Variants in SLC38A10 observed in about 807,000 individuals in gnomAD.
SLC38A10 encodes the protein Sodium-coupled neutral amino acid transporter 10.
In SLC38A10, 53 loss-of-function variants were observed where a neutral mutation model predicts 81.0. That is an observed-to-expected ratio of 0.65 (90% CI 0.53 to 0.82). The LOEUF (loss-of-function observed/expected upper bound fraction) is 0.82. Among genes scored for constraint, SLC38A10 ranks in the 40% least tolerant of loss-of-function variants. SLC38A10 has a pLI of 0.00. For missense variants in SLC38A10, 1,471 were observed against 1,545.0 expected (o/e 0.95, Z 0.80); for synonymous variants, 665 against 655.3 (o/e 1.01, Z -0.23).
At chr17:81,257,920 G>A (rs2062987595) in intron 11 of SLC38A10, among the ~76,000 whole-genome samples, 2 of 152,262 alleles carry the variant, frequency 1.3e-5, no homozygotes, top group Admixed American at 1.3e-4. Context: ...CTCCAAGAAA[G>A]GAACAGATGT....
intron 6 of SLC38A10, among the ~76,000 whole-genome samples, chr17:81,278,702 A>C (rs1409288779): frequency 3.3e-5 from 5 of 152,156 alleles, no homozygotes; most frequent in Non-Finnish European, 7.4e-5. Flanking sequence ...CCAGTGCTAA[A>C]CTGTCCTCTC....
rs1235407978 is a variant in SLC38A10 at position 81,247,053 on chromosome 17, T to C, written c.2074A>G (p.Arg692Gly). 1.3e-6 allele frequency: 2 copies of C among 1,583,516 alleles called. No individual in the cohort carries two copies. The highest frequency in any genetic ancestry group is 8.6e-7 in the Non-Finnish European group (1 of 1,166,870). ...QAASQLEEAG[R>G]AEMLDHAVLL... Reference sequence around the variant, plus strand: ...ACGGCGTGGTCCAGCATCTCCGCCCTGCCAGCTTCTGGGTTTGGAAAGCAC... The same window carrying C: ...ACGGCGTGGTCCAGCATCTCCGCCCCGCCAGCTTCTGGGTTTGGAAAGCAC... Residue 692 changes from arginine to glycine, a missense_variant, in exon 15 of 16, where the codon AGG becomes GGG. Physicochemically the swap from Arg to Gly is moderately radical, Grantham distance 125 (BLOSUM62 -2). Around this residue, in one of 2 missense-constraint regions of SLC38A10, gnomAD observed 751 missense variants for 717.4 expected, o/e 1.05. Coordinates refer to ENST00000374759, the MANE Select transcript of SLC38A10 (RefSeq NM_001037984.3).
chr17:81,271,884 G>A (rs954781259), intron 9 of SLC38A10, among the ~76,000 whole-genome samples: 2 of 149,776 alleles, frequency 1.3e-5, no homozygotes, highest in Admixed American at 6.7e-5. Context: ...CCGCCACCAC[G>A]CCCGGCTAAT....
intron 14 of SLC38A10, chr17:81,249,957 C>T (rs780222568): frequency 1.5e-5 from 15 of 974,414 alleles, no homozygotes; most frequent in Admixed American, 3.2e-5. Flanking sequence ...GGGCCTGACA[C>T]GTGTCCCCAT....
At chr17:81,266,618 C>CA (rs57854082) in intron 10 of SLC38A10, among the ~76,000 whole-genome samples, 1,601 of 81,794 alleles carry the variant, frequency 0.02, 21 homozygotes, top group East Asian at 0.058. Context: ...GACTCCATCT[C>CA]AAAAAAAAAA....
chr17:81,245,896 G>A lies in SLC38A10; in HGVS notation c.3020C>T (p.Ala1007Val). The change falls in exon 16 of 16, where the codon GCT (alanine) becomes GTT (valine). Residue 1007 changes from alanine to valine, a missense_variant. Coordinates refer to ENST00000374759, the MANE Select transcript of SLC38A10 (RefSeq NM_001037984.3). ...SHEQPRGGED[A>V]AVQEPRQRPE... Reference sequence around the variant, plus strand: ...CCTCTGCCTGGGCTCCTGGACAGCAGCGTCCTCCCCGCCTCTCGGCTGCTC... The same window carrying A: ...CCTCTGCCTGGGCTCCTGGACAGCAACGTCCTCCCCGCCTCTCGGCTGCTC... The A allele has an allele frequency of 6.8e-6, 11 of 1,612,106 alleles. No homozygotes were observed. The highest frequency in any genetic ancestry group is 8.5e-6 in the Non-Finnish European group (10 of 1,179,522).
chr17:81,275,534 C>A (rs1270932454), intron 8 of SLC38A10, among the ~76,000 whole-genome samples: 1 of 151,410 alleles, frequency 6.6e-6, no homozygotes, highest in East Asian at 1.9e-4. Flanking sequence ...GAGATCGAGA[C>A]CATCCTGGCT....
chr17:81,261,920 G>A (rs910352684), intron 10 of SLC38A10, among the ~76,000 whole-genome samples: 6 of 152,196 alleles, frequency 3.9e-5, no homozygotes, highest in Admixed American at 6.5e-5. Context: ...CAGGCTCGAC[G>A]GCCCACAGAG....
At chr17:81,252,988 A>G (rs2062933633) in intron 12 of SLC38A10, 85 bp downstream of exon 12, 2 of 1,514,304 alleles carry the variant, frequency 1.3e-6, no homozygotes, top group Non-Finnish European at 1.8e-6. Context: ...CACAGCCCTG[A>G]GAGCCACCCC....
Position 81,246,560 on chromosome 17 carries a change from TGA to T in SLC38A10, c.2354_2355del (p.Leu785GlnfsTer14). The T allele has an allele frequency of 7.3e-6, 11 of 1,516,370 alleles. No homozygotes were observed. The highest frequency in any genetic ancestry group is 9.7e-6 in the Non-Finnish European group (11 of 1,134,302). The allele number at this position is 1,516,370 out of a possible 1,614,324, so 93.9% of individuals were successfully genotyped here. On this transcript the variant is annotated frameshift_variant, in exon 16 of 16. Coordinates refer to ENST00000374759, the MANE Select transcript of SLC38A10 (RefSeq NM_001037984.3). LOFTEE classifies it low-confidence loss of function (END_TRUNC). ...NLPPLPLDPV[L>X]RAPGGRPAPS... ...GGAGCAGGGCGGCCCCCAGGAGCTC[TGA>T]GGACAGGGTCCAAAGGCAGGGGAGG...
At position 81,288,338 on chromosome 17, in the gene SLC38A10, C is replaced by T. The variant is rs1161265559; in HGVS notation, c.217+1353G>A. Among the ~76,000 whole-genome samples, 4 of 152,224 alleles carry T rather than the reference C, an allele frequency of 2.6e-5. No individual in the cohort carries two copies. Among genetic ancestry groups the T allele is most frequent in the Non-Finnish European group, 5.9e-5 (4 of 68,044 alleles). On this transcript the variant is annotated intron_variant, in intron 2 of 15. Coordinates refer to ENST00000374759, the MANE Select transcript of SLC38A10 (RefSeq NM_001037984.3). This position sits in a 1 kb window ranked among gnomAD's most constrained non-coding sequence, Gnocchi z 5.4. ...CTGTGAGCCCGGGGGGCAGGATGGC[C>T]TTCTGCAGGGAGGACCTAACATCCC...
chr17:81,258,588 G>C (rs942855836), intron 11 of SLC38A10, among the ~76,000 whole-genome samples: 7 of 151,830 alleles, frequency 4.6e-5, no homozygotes, highest in Non-Finnish European at 1.0e-4. Flanking sequence ...TGCTGGACGA[G>C]GGCGACACCC....
At chr17:81,266,463 C>CAA (rs2063070990) in intron 10 of SLC38A10, among the ~76,000 whole-genome samples, 1 of 151,816 alleles carries the variant, frequency 6.6e-6, no homozygotes, top group African/African-American at 2.4e-5. Context: ...ACTAAAAATA[C>CAA]AAAAAATTAG....
rs1371051995 is a variant in SLC38A10 at position 81,289,207 on chromosome 17, A to AT, written c.217+483dup. Among the ~76,000 whole-genome samples the AT allele has an allele frequency of 3.3e-5, 5 of 151,720 alleles. No homozygotes were observed. Among genetic ancestry groups the AT allele is most frequent in the Admixed American group, 6.6e-5 (1 of 15,236 alleles). ...AGATGCCTGCCACCATGTCTGGCTA[A>AT]TTTTTTGTATTTCTGGTAGAGATGG... On this transcript the variant is annotated intron_variant, in intron 2 of 15. Coordinates refer to ENST00000374759, the MANE Select transcript of SLC38A10 (RefSeq NM_001037984.3). The surrounding 1 kb of genome is among the most constrained non-coding windows in gnomAD (Gnocchi z 5.9).
rs1226124839 is a variant in SLC38A10 at position 81,277,570 on chromosome 17, T to C, written c.627-437A>G. Among the ~76,000 whole-genome samples, 4 of 152,184 alleles carry C rather than the reference T, an allele frequency of 2.6e-5. No individual in the cohort carries two copies. The highest frequency in any genetic ancestry group is 5.9e-5 in the Non-Finnish European group (4 of 68,028). On this transcript the variant is annotated intron_variant, in intron 6 of 15. Coordinates refer to ENST00000374759, the MANE Select transcript of SLC38A10 (RefSeq NM_001037984.3). The surrounding 1 kb of genome is among the most constrained non-coding windows in gnomAD (Gnocchi z 4.5). ...CCATCTCGGCGCCTCCGCACAGGCA[T>C]GATCAGAGTCGGCACAGACAAGGAG...
At chr17:81,247,840 C>CTTTT (rs1015174721) in intron 14 of SLC38A10, among the ~76,000 whole-genome samples, 17 of 144,806 alleles carry the variant, frequency 1.2e-4, no homozygotes, top group Non-Finnish European at 1.7e-4. Context: ...GACCCTGTCT[C>CTTTT]AAAAAAGAAA....
intron 14 of SLC38A10, 191 bp downstream of exon 14, chr17:81,251,302 G>T (rs768407066): frequency 5.9e-5 from 95 of 1,612,846 alleles, no homozygotes; most frequent in Non-Finnish European, 7.8e-5. Context: ...CAGATAAAAG[G>T]TTCCCAGAAA....
In SLC38A10 at chr17:81,281,349, G is replaced by A. The variant is rs946940669; in HGVS notation, c.502-616C>T. On this transcript the variant is annotated intron_variant, in intron 5 of 15. Coordinates refer to ENST00000374759, the MANE Select transcript of SLC38A10 (RefSeq NM_001037984.3). The surrounding 1 kb of genome is among the most constrained non-coding windows in gnomAD (Gnocchi z 5.3). ...GGGAACAGGAAGGTCCCAGGGGCTC[G>A]GGTCCTGGGGCTCCTATGGGCAGGG... Among the ~76,000 whole-genome samples the A allele has an allele frequency of 1.3e-5, 2 of 152,112 alleles. No individual in the cohort carries two copies. The highest frequency in any genetic ancestry group is 2.4e-5 in the African/African-American group (1 of 41,412).
At position 81,246,397 on chromosome 17, in the gene SLC38A10, G is replaced by A. The variant is rs868733849; in HGVS notation, c.2519C>T (p.Ala840Val). 1 of 1,599,178 alleles carries A rather than the reference G, an allele frequency of 6.3e-7. No individual in the cohort carries two copies. Among genetic ancestry groups the A allele is most frequent in the Non-Finnish European group, 8.5e-7 (1 of 1,174,820 alleles). Reference protein sequence around the residue: ...QAKLRDGQKDAAPRAAGTVKE... With the variant: ...QAKLRDGQKDVAPRAAGTVKE... ...CACAGTGCCAGCTGCCCTGGGGGCG[G>A]CATCCTTCTGGCCATCTCTCAGCTT... Residue 840 changes from alanine (A) to valine (V), a missense_variant, in exon 16 of 16, where the codon GCC (alanine) becomes GTC (valine). Physicochemically the swap from Ala to Val is moderately conservative, Grantham distance 64. Around this residue, in one of 2 missense-constraint regions of SLC38A10, gnomAD observed 751 missense variants for 717.4 expected, o/e 1.05. Transcript: ENST00000374759.
Sources: gnomAD v4.1 joint callset for allele counts (sites outside exome capture counted in the v4.1 genomes callset) on GRCh38, gnomAD v4.1.1 for gene constraint, gnomAD v4.1.1 regional missense constraint, Gnocchi (gnomAD v3.1) non-coding constraint, MANE v1.5 for transcripts, NCBI Gene and HGNC (gene_info 2026-07-23, HGNC 2026-07-21) for gene names.